The following COL23A1 variants were observed in gnomAD, a reference collection of about 807,000 sequenced individuals.
COL23A1 encodes collagen alpha-1(XXIII) chain.
In COL23A1, 97 loss-of-function variants were observed where a neutral mutation model predicts 99.3. The ratio of observed to expected loss-of-function variants is 0.98; its 90% CI spans 0.83 to 1.16. The LOEUF (loss-of-function observed/expected upper bound fraction) is 1.16. Ranked by LOEUF, COL23A1 falls within the 50% of genes most tolerant of loss-of-function variation. The pLI is 0.00. For missense variants in COL23A1, 762 were observed against 757.4 expected, an observed-to-expected ratio of 1.01 and a Z score of -0.07; for synonymous variants, 320 against 308.2, an observed-to-expected ratio of 1.04 and a Z score of -0.40.
chr5:178,260,097 C>T (rs192983934), intron 11 of COL23A1, among the ~76,000 whole-genome samples: 3 of 152,288 alleles, frequency 2.0e-5, no homozygotes, highest in South Asian at 4.1e-4. Flanking sequence ...GACCAGAGCC[C>T]GCCTCCCCAC....
intron 2 of COL23A1, among the ~76,000 whole-genome samples, chr5:178,383,040 G>T (rs1030954232): frequency 6.6e-6 from 1 of 152,116 alleles, no homozygotes; most frequent in South Asian, 2.1e-4. Context: ...GGAGCCAGGG[G>T]GTGTCTGTGA....
At chr5:178,301,483 T>G (rs1051104663) in intron 3 of COL23A1, among the ~76,000 whole-genome samples, 4 of 152,242 alleles carry the variant, frequency 2.6e-5, no homozygotes, top group Admixed American at 2.6e-4. Flanking sequence ...ACTGCCCTAC[T>G]TTCCTGTCTT....
intron 2 of COL23A1, among the ~76,000 whole-genome samples, chr5:178,357,519 T>C (rs1761727088): frequency 6.6e-6 from 1 of 152,168 alleles, no homozygotes; most frequent in Non-Finnish European, 1.5e-5. Context: ...AGTGAGTTCT[T>C]TGAAGGAAAA....
At position 178,484,278 on chromosome 5, in the gene COL23A1, T is replaced by C. The variant is rs13358918; in HGVS notation, c.361+76404A>G. Among the ~76,000 whole-genome samples the C allele has an allele frequency of 1.0e-2, 1,518 of 152,334 alleles. 28 individuals carry two copies. The highest frequency in any genetic ancestry group is 0.034 in the African/African-American group (1,427 of 41,568). On this transcript the variant is annotated intron_variant, in intron 2 of 28. Coordinates refer to ENST00000390654, the MANE Select transcript of COL23A1 (RefSeq NM_173465.4). The stretch of plus-strand genomic sequence containing the variant: ...TTTTCTGTTTTGGGGATTATTCTAA[T>C]GTTAAATCTATTAAAAATTAAGCAA...
At chr5:178,315,740 C>G (rs1758944900) in intron 2 of COL23A1, among the ~76,000 whole-genome samples, 1 of 140,754 alleles carries the variant, frequency 7.1e-6, no homozygotes, top group Non-Finnish European at 1.5e-5. Context: ...AAAGCATCAA[C>G]GTTTTCTAGT....
chr5:178,296,021 T>C (rs910330844), intron 3 of COL23A1, among the ~76,000 whole-genome samples: 2 of 152,228 alleles, frequency 1.3e-5, no homozygotes, highest in African/African-American at 4.8e-5. Context: ...CCCTGGGCTC[T>C]TTCACACCAT....
intron 2 of COL23A1, among the ~76,000 whole-genome samples, chr5:178,371,294 A>G (rs2910119): frequency 0.28 from 43,072 of 152,148 alleles, 7,598 homozygotes; most frequent in African/African-American, 0.49. Context: ...GACCAGTGTC[A>G]CCAGGCAGCA....
At chr5:178,330,406 C>T (rs559627360) in intron 2 of COL23A1, among the ~76,000 whole-genome samples, 1 of 152,306 alleles carries the variant, frequency 6.6e-6, no homozygotes, top group Non-Finnish European at 1.5e-5. Flanking sequence ...CCTGTAATCC[C>T]AGTAGTTCAC....
chr5:178,435,269 T>A (rs1766494976), intron 2 of COL23A1, among the ~76,000 whole-genome samples: 1 of 152,000 alleles, frequency 6.6e-6, no homozygotes, highest in Non-Finnish European at 1.5e-5. Context: ...GGAATGGGAG[T>A]GTGGCTCATT....
Position 178,306,802 on chromosome 5 carries a change from C to A in COL23A1, c.406+73G>T. 8.5e-7 allele frequency: 1 copy of A among 1,179,610 alleles called. No individual in the cohort carries two copies. The highest frequency in any genetic ancestry group is 1.1e-6 in the Non-Finnish European group (1 of 876,644). 73.1% of individuals were successfully genotyped at this position (1,179,610 alleles called of 1,614,324 possible). On this transcript the variant is annotated intron_variant, in intron 3 of 28. Transcript: ENST00000390654. The surrounding 1 kb of genome is among the most constrained non-coding windows in gnomAD (Gnocchi z 4.1). ...TCAGGGTGGGCAGCAGGTGGCCAGG[C>A]CCTGCAGTCAGAGCCTGGGGCCATG...
chr5:178,404,257 C>T (rs1764631727), intron 2 of COL23A1, among the ~76,000 whole-genome samples: 1 of 152,180 alleles, frequency 6.6e-6, no homozygotes, highest in African/African-American at 2.4e-5. Flanking sequence ...GTAATGTGCT[C>T]AATCGCAATC....
intron 2 of COL23A1, among the ~76,000 whole-genome samples, chr5:178,311,116 C>T (rs1480492941): frequency 6.6e-6 from 1 of 152,180 alleles, no homozygotes; most frequent in Non-Finnish European, 1.5e-5. Flanking sequence ...TAGGGGCTGG[C>T]TGCTGGGGAA....
intron 2 of COL23A1, among the ~76,000 whole-genome samples, chr5:178,463,705 C>G (rs576907771): frequency 2.0e-5 from 3 of 152,264 alleles, no homozygotes; most frequent in Admixed American, 1.3e-4. Flanking sequence ...CAAATGTGCA[C>G]GGTGGCCCCC....
At chr5:178,503,656 G>A (rs896000272) in intron 2 of COL23A1, among the ~76,000 whole-genome samples, 2 of 152,142 alleles carry the variant, frequency 1.3e-5, no homozygotes, top group Non-Finnish European at 2.9e-5. Context: ...GTGCGAAAAG[G>A]GAGGGAGGGA....
chr5:178,278,895 C>T (rs72819058), intron 5 of COL23A1, among the ~76,000 whole-genome samples: 7,569 of 152,216 alleles, frequency 0.05, 234 homozygotes, highest in African/African-American at 0.086. Context: ...AGCTGTGACG[C>T]GCTGGGCCAG....
Position 178,589,800 on chromosome 5 carries a change from G to A in COL23A1, c.294+104C>T. ...CCCCGAGCGCACGCAGCCGGCGGGC[G>A]ACCCTCCTCCCAGAGACCTGCACGC... On this transcript the variant is annotated intron_variant, in intron 1 of 28. Transcript: ENST00000390654. This position sits in a 1 kb window ranked among gnomAD's most constrained non-coding sequence, Gnocchi z 5.4. 1 of 1,083,340 alleles carries A rather than the reference G, an allele frequency of 9.2e-7. No individual in the cohort carries two copies. The highest frequency in any genetic ancestry group is 3.6e-5 in the East Asian group (1 of 27,840). 67.1% of individuals were successfully genotyped at this position (1,083,340 alleles called of 1,614,324 possible).
intron 2 of COL23A1, among the ~76,000 whole-genome samples, chr5:178,315,762 CTTTTT>C (rs34604670): frequency 4.2e-4 from 41 of 96,752 alleles, no homozygotes; most frequent in East Asian, 1.0e-3. Context: ...GAAGCACTGA[CTTTTT>C]TTTTTTTTTT....
intron 2 of COL23A1, among the ~76,000 whole-genome samples, chr5:178,414,448 C>T (rs1264181424): frequency 1.3e-5 from 2 of 151,780 alleles, no homozygotes; most frequent in Non-Finnish European, 2.9e-5. Context: ...TCCCATTTAC[C>T]ACTTCTCCAA....
intron 2 of COL23A1, among the ~76,000 whole-genome samples, chr5:178,398,410 T>C (rs143944600): frequency 6.6e-6 from 1 of 152,190 alleles, no homozygotes; most frequent in Non-Finnish European, 1.5e-5. Flanking sequence ...GCGGATCACA[T>C]TGGGTCAGGA....
Sources: gnomAD v4.1 joint callset for allele counts (sites outside exome capture counted in the v4.1 genomes callset) on GRCh38, gnomAD v4.1.1 for gene constraint, Gnocchi (gnomAD v3.1) non-coding constraint, MANE v1.5 for transcripts, NCBI Gene and HGNC (gene_info 2026-07-23, HGNC 2026-07-21) for gene names.